TANGO6: variants seen among roughly 807,000 people sequenced by gnomAD.
TANGO6 encodes the protein transport and golgi organization 6 homolog.
TANGO6 carries 90 observed loss-of-function variants against 114.2 expected under a neutral mutation model. The ratio of observed to expected loss-of-function variants is 0.79; its 90% CI spans 0.66 to 0.94. The LOEUF is 0.94. Among genes scored for constraint, TANGO6 ranks in the 40% least tolerant of loss-of-function variants. TANGO6 has a pLI of 0.00. For synonymous variants in TANGO6, 477 were observed against 509.8 expected, an observed-to-expected ratio of 0.94 and a Z score of 0.87; for missense variants, 1,274 against 1,315.3, an observed-to-expected ratio of 0.97 and a Z score of 0.49.
intron 2 of TANGO6, among the ~76,000 whole-genome samples, chr16:68,861,729 A>T (rs993861164): frequency 6.6e-6 from 1 of 152,186 alleles, no homozygotes; most frequent in South Asian, 2.1e-4. Flanking sequence ...TACATTATGA[A>T]GCTGGACAAA....
chr16:68,965,456 G>A (rs2152210333), intron 14 of TANGO6, among the ~76,000 whole-genome samples: 1 of 152,268 alleles, frequency 6.6e-6, no homozygotes, highest in East Asian at 1.9e-4. Context: ...CTTGGCAGTG[G>A]ATTTCCCTTT....
chr16:68,893,774 AG>A (rs1962665375), intron 7 of TANGO6, among the ~76,000 whole-genome samples: 2 of 150,368 alleles, frequency 1.3e-5, no homozygotes, highest in African/African-American at 2.4e-5. Context: ...AAAAAAAAAA[AG>A]GAAAAGAAAA....
intron 17 of TANGO6, among the ~76,000 whole-genome samples, chr16:69,076,083 C>G (rs891244791): frequency 1.7e-5 from 2 of 115,018 alleles, no homozygotes; most frequent in Non-Finnish European, 3.5e-5. Flanking sequence ...ATTTTTATTT[C>G]ATTTCTTTTT....
chr16:68,910,220 T>C (rs1422748847), intron 11 of TANGO6, among the ~76,000 whole-genome samples: 2 of 152,212 alleles, frequency 1.3e-5, no homozygotes, highest in Non-Finnish European at 1.5e-5. Context: ...CGGGTGTTGC[T>C]AAGCAGCATT....
At chr16:69,030,107 CAAAAA>C (rs529117472) in intron 16 of TANGO6, among the ~76,000 whole-genome samples, 2 of 62,536 alleles carry the variant, frequency 3.2e-5, no homozygotes, top group South Asian at 6.2e-4. Flanking sequence ...GACTCTGACT[CAAAAA>C]AAAAAAAAAA....
chr16:68,975,820 G>A (rs1362101291), intron 15 of TANGO6, among the ~76,000 whole-genome samples: 1 of 152,124 alleles, frequency 6.6e-6, no homozygotes, highest in African/African-American at 2.4e-5. Context: ...GCCTCCCAAA[G>A]TGCTGGGATT....
chr16:68,919,463 A>T (rs1597019731), intron 12 of TANGO6, among the ~76,000 whole-genome samples: 1 of 152,162 alleles, frequency 6.6e-6, no homozygotes, highest in Non-Finnish European at 1.5e-5. Context: ...TACCTGTTAC[A>T]ATCTTAATTT....
At chr16:69,076,835 A>G (rs1426029948) in intron 17 of TANGO6, among the ~76,000 whole-genome samples, 1 of 152,122 alleles carries the variant, frequency 6.6e-6, no homozygotes, top group African/African-American at 2.4e-5. Context: ...TACCTCCTCC[A>G]CTGACATTCA....
intron 14 of TANGO6, among the ~76,000 whole-genome samples, chr16:68,945,391 G>C (rs1412006561): frequency 6.6e-6 from 1 of 151,736 alleles, no homozygotes; most frequent in East Asian, 1.9e-4. Context: ...TTAATTTCTT[G>C]GTTTTAGGTC....
chr16:69,011,496 C>T lies in TANGO6; in HGVS notation c.2843-11332C>T, dbSNP rs1964143507. Reference sequence around the variant, plus strand: ...GGAAAAAGGGTCTTGCTGTGTCACGCAGACTGGAGTGCAGTGGCACAATCA... The same window carrying T: ...GGAAAAAGGGTCTTGCTGTGTCACGTAGACTGGAGTGCAGTGGCACAATCA... On this transcript the variant is annotated intron_variant, in intron 15 of 17. Transcript: ENST00000261778. Among the ~76,000 whole-genome samples, 3 of 151,276 alleles carry T rather than the reference C, an allele frequency of 2.0e-5. No homozygotes were observed. In the South Asian group the frequency reaches 6.3e-4, roughly 32 times the overall value.
At position 68,863,054 on chromosome 16, in the gene TANGO6, C is replaced by T. The variant is rs1169640614; in HGVS notation, c.845C>T (p.Pro282Leu). 1.3e-6 allele frequency: 2 copies of T among 1,566,266 alleles called. No homozygotes were observed. The highest frequency in any genetic ancestry group is 1.7e-6 in the Non-Finnish European group (2 of 1,155,484). Residue 282 changes from proline to leucine, a missense_variant, in exon 3 of 18, where the codon CCA becomes CTA. Physicochemically the swap from Pro to Leu is moderately conservative, Grantham distance 98 (BLOSUM62 -3). This residue lies in a region of TANGO6 where 908 missense variants were observed against 910.2 expected (regional missense o/e 1.00). Transcript: ENST00000261778. The part of the protein sequence containing the change: ...VRELLILQGG[P>L]PQSCTDVKTQ... ...GAACTGCTTATCCTCCAGGGAGGAC[C>T]ACCCCAGGTACTCAGGCCTAGGGAC...
Position 68,907,572 on chromosome 16 carries a change from G to C in TANGO6, c.1797G>C (p.Leu599Phe), listed in dbSNP as rs1962870303. 6.2e-7 allele frequency: 1 copy of C among 1,611,420 alleles called. No homozygotes were observed. Among genetic ancestry groups the C allele is most frequent in the Non-Finnish European group, 8.5e-7 (1 of 1,179,036 alleles). Residue 599 changes from leucine (L) to phenylalanine (F), a missense_variant, in exon 10 of 18, where the codon TTG (leucine) becomes TTC (phenylalanine). Leu to Phe is a conservative substitution (Grantham distance 22, BLOSUM62 0). This residue lies in a region of TANGO6 where 908 missense variants were observed against 910.2 expected (regional missense o/e 1.00). Transcript: ENST00000261778. The stretch of plus-strand genomic sequence containing the variant: ...CAGGAGACTTCTTCATCTTCTGTTT[G>C]AAAGTAAGAACTACCTGTAGTTCCT... ...GLAGDFFIFC[L>F]KELTHVASEN...
At position 68,872,875 on chromosome 16, in the gene TANGO6, A is replaced by T. The variant is rs1476380376; in HGVS notation, c.995-2279A>T. Among the ~76,000 whole-genome samples, 11 of 147,220 alleles carry T rather than the reference A, an allele frequency of 7.5e-5. No individual in the cohort carries two copies. The South Asian group carries it at 1.5e-3, about 20-fold the overall frequency. On this transcript the variant is annotated intron_variant, in intron 4 of 17. Coordinates refer to ENST00000261778, the MANE Select transcript of TANGO6 (RefSeq NM_024562.2). Reference sequence around the variant, plus strand: ...CCACACCCAGCTAATATATTTTTTTAAATTTTTAGTAGAGATGGGGTTTCA... The same window carrying T: ...CCACACCCAGCTAATATATTTTTTTTAATTTTTAGTAGAGATGGGGTTTCA...
chr16:68,997,397 A>G (rs1964001561), intron 15 of TANGO6, among the ~76,000 whole-genome samples: 1 of 152,234 alleles, frequency 6.6e-6, no homozygotes, highest in Non-Finnish European at 1.5e-5. Context: ...GTTTTCCAGT[A>G]AAGGATTGGG....
chr16:69,026,946 TC>T lies in TANGO6; in HGVS notation c.2994+3969del, dbSNP rs556133804. On this transcript the variant is annotated intron_variant, in intron 16 of 17. Coordinates refer to ENST00000261778, the MANE Select transcript of TANGO6 (RefSeq NM_024562.2). Reference sequence around the variant, plus strand: ...GGTGCAATCTCAGCTCACTGCAACCTCCACCTCCTGGGTTCAAGTGATTCCC... The same window carrying T: ...GGTGCAATCTCAGCTCACTGCAACCTCACCTCCTGGGTTCAAGTGATTCCC... 1.9e-3 allele frequency among the ~76,000 whole-genome samples: 291 copies of T among 152,324 alleles called. 2 individuals are homozygous for T. Among genetic ancestry groups the T allele is most frequent in the Non-Finnish European group, 3.3e-3 (223 of 68,030 alleles).
intron 2 of TANGO6, among the ~76,000 whole-genome samples, chr16:68,862,199 A>AGCTT (rs1962103294): frequency 6.6e-6 from 1 of 151,276 alleles, no homozygotes; most frequent in Non-Finnish European, 1.5e-5. Context: ...CACCATATCC[A>AGCTT]GCTTGCTTAC....
At position 68,859,866 on chromosome 16, in the gene TANGO6, T is replaced by G; in HGVS notation, c.95-18T>G. The stretch of plus-strand genomic sequence containing the variant: ...GTTTTCTATGTGTATAAACTCTCCT[T>G]TTTTTCTTCTTCAAAAGGCTCGGGC... On this transcript the variant is annotated intron_variant, in intron 1 of 17. Transcript: ENST00000261778. The G allele has an allele frequency of 6.5e-7, 1 of 1,537,052 alleles. No individual in the cohort carries two copies. Among genetic ancestry groups the G allele is most frequent in the Non-Finnish European group, 8.7e-7 (1 of 1,146,822 alleles).
intron 15 of TANGO6, among the ~76,000 whole-genome samples, chr16:68,982,799 G>A (rs140728761): frequency 4.4e-4 from 67 of 151,710 alleles, no homozygotes; most frequent in African/African-American, 1.3e-3. Flanking sequence ...TAGAACCTTC[G>A]TATATATGCC....
chr16:69,011,804 G>C (rs1287240527), intron 15 of TANGO6, among the ~76,000 whole-genome samples: 4 of 152,194 alleles, frequency 2.6e-5, no homozygotes, highest in Non-Finnish European at 5.9e-5. Flanking sequence ...TCTGGAAGAA[G>C]ATGGGATCTG....
Sources: gnomAD v4.1 joint callset for allele counts (sites outside exome capture counted in the v4.1 genomes callset) on GRCh38, gnomAD v4.1.1 for gene constraint, gnomAD v4.1.1 regional missense constraint, MANE v1.5 for transcripts, NCBI Gene and HGNC (gene_info 2026-07-23, HGNC 2026-07-21) for gene names.